Variants in SETD4 observed in about 807,000 individuals in gnomAD.
The protein encoded by SETD4 is SET domain containing 4.
A neutral mutation model predicts 58.3 loss-of-function variants in SETD4; 46 were observed. The ratio of observed to expected loss-of-function variants is 0.79; its 90% CI spans 0.62 to 1.01. SETD4 has a LOEUF of 1.01. Ranked by LOEUF, SETD4 falls within the 50% of genes least tolerant of loss-of-function variation. SETD4 has a pLI of 0.00. For missense variants in SETD4, 490 were observed against 523.3 expected (o/e 0.94, Z 0.62); for synonymous variants, 190 against 202.6 (o/e 0.94, Z 0.53).
In SETD4 at chr21:36,036,018, C is replaced by G. The variant is rs989906831; in HGVS notation, c.*33-58G>C. 1.5e-5 allele frequency: 21 copies of G among 1,446,774 alleles called. No individual in the cohort carries two copies. The Admixed American group carries it at 4.0e-4, about 28-fold the overall frequency. The allele number at this position is 1,446,774 out of a possible 1,614,324, so 89.6% of individuals were successfully genotyped here. On this transcript the variant is annotated intron_variant, in intron 11 of 11. Coordinates refer to ENST00000332131, the MANE Select transcript of SETD4 (RefSeq NM_017438.5). ...TCCTAATTGTTGAGTAGACACAACT[C>G]ATCGACTCTAAACTATATAAATTTA...
intron 1 of SETD4, chr21:36,059,908 G>T (rs1169745912): frequency 1.0e-6 from 1 of 985,268 alleles, no homozygotes; most frequent in Non-Finnish European, 1.2e-6. Context: ...GACCGCGCCG[G>T]GAAGTGTCCC....
At position 36,043,793 on chromosome 21, in the gene SETD4, T is replaced by G; in HGVS notation, c.890A>C (p.Tyr297Ser). Reference sequence around the variant, plus strand: ...AAGTTGATTCCAACCTCTTGAGACATAAACACAAGCATGAGGATTATGGAC... The same window carrying G: ...AAGTTGATTCCAACCTCTTGAGACAGAAACACAAGCATGAGGATTATGGAC... ...VSVHNPHACV[Y>S]VSREILVKYL... Residue 297 changes from tyrosine to serine, a missense_variant, in exon 7 of 12, where the codon TAT (tyrosine) becomes TCT (serine). Transcript: ENST00000332131. 1 of 1,614,128 alleles carries G rather than the reference T, an allele frequency of 6.2e-7. No homozygotes were observed. The highest frequency in any genetic ancestry group is 2.2e-5 in the East Asian group (1 of 44,878).
At chr21:36,058,742 A>T in intron 2 of SETD4, 74 bp downstream of exon 2, 2 of 1,461,208 alleles carry the variant, frequency 1.4e-6, no homozygotes, top group East Asian at 4.8e-5. Flanking sequence ...AAGAAAGAAA[A>T]GCTACGTATG....
At chr21:36,036,510 G>A (rs184390909) in intron 10 of SETD4, 68 of 453,352 alleles carry the variant, frequency 1.5e-4, no homozygotes, top group Non-Finnish European at 1.9e-4. Context: ...CTGTCTCTAC[G>A]AACTCACCTG....
At chr21:36,052,880 T>G (rs1254366052) in intron 4 of SETD4, 1 of 152,226 alleles carries the variant, frequency 6.6e-6, no homozygotes, top group African/African-American at 2.4e-5. Flanking sequence ...GGCCCAAGTC[T>G]GAGGCCTCAT....
intron 3 of SETD4, among the ~76,000 whole-genome samples, chr21:36,056,455 C>T (rs1441699369): frequency 1.3e-5 from 2 of 152,216 alleles, no homozygotes; most frequent in Non-Finnish European, 2.9e-5. Flanking sequence ...GTGGTTATCT[C>T]TTGCCCACCT....
chr21:36,037,595 ACT>A (rs200179590), intron 10 of SETD4, among the ~76,000 whole-genome samples: 2,320 of 139,236 alleles, frequency 0.017, 34 homozygotes, highest in Non-Finnish European at 0.026. Flanking sequence ...ACAGAGCAAG[ACT>A]CTGTCTCAAA....
At position 36,058,768 on chromosome 21, in the gene SETD4, A is replaced by C. The variant is rs754446794; in HGVS notation, c.73+48T>G. 25 of 1,544,338 alleles carry C rather than the reference A, an allele frequency of 1.6e-5. 1 individual carries two copies. In the South Asian group the frequency reaches 3.1e-4, roughly 19 times the overall value. On this transcript the variant is annotated intron_variant, in intron 2 of 11. Transcript: ENST00000332131. ...GCTACGTATGAACAAACAAGCAATCACAAAAGGATTTCTTTTTTCATTACT... is the reference window on the plus strand; with the variant it reads ...GCTACGTATGAACAAACAAGCAATCCCAAAAGGATTTCTTTTTTCATTACT...
intron 4 of SETD4, chr21:36,050,279 T>C: frequency 1.3e-6 from 2 of 1,583,808 alleles, no homozygotes; most frequent in South Asian, 2.2e-5. Context: ...GGGAAGACTA[T>C]CCTCAAACAG....
rs1368954153 is a variant in SETD4 at position 36,042,175 on chromosome 21, T to A, written c.902-287A>T. On this transcript the variant is annotated intron_variant, in intron 7 of 11. Transcript: ENST00000332131. ...CAAAAACAAGCAGGTCATTAGGACA[T>A]CAGCATGACTGTTGAAAATTTACAG... is the stretch of plus-strand genomic sequence containing the variant. 4.5e-5 allele frequency: 9 copies of A among 198,960 alleles called. No individual in the cohort carries two copies. The East Asian group carries it at 1.2e-3, about 25-fold the overall frequency. The allele number at this position is 198,960 out of a possible 1,614,324, so 12.3% of individuals were successfully genotyped here.
chr21:36,056,534 A>G (rs773496212), intron 3 of SETD4, among the ~76,000 whole-genome samples: 2 of 152,134 alleles, frequency 1.3e-5, no homozygotes, highest in Non-Finnish European at 2.9e-5. Context: ...TCTGTGAGAG[A>G]ATGTTCCAGA....
chr21:36,046,156 C>T, intron 5 of SETD4, 145 bp from the exon 6 acceptor site: 1 of 852,054 alleles, frequency 1.2e-6, no homozygotes, highest in South Asian at 1.8e-5. Context: ...TTCCTTCCTT[C>T]CTTCCTTAAG....
intron 5 of SETD4, 70 bp downstream of exon 5, chr21:36,048,238 G>A: frequency 1.7e-6 from 2 of 1,189,828 alleles, no homozygotes; most frequent in Non-Finnish European, 2.5e-6. Context: ...TGTCTCAAGT[G>A]ACATATTTGC....
chr21:36,056,321 T>C (rs2064978955), intron 3 of SETD4, among the ~76,000 whole-genome samples: 1 of 152,196 alleles, frequency 6.6e-6, no homozygotes, highest in Non-Finnish European at 1.5e-5. Context: ...TGGCATATGC[T>C]TTGACTTTTC....
intron 4 of SETD4, chr21:36,050,737 A>G: frequency 6.2e-7 from 1 of 1,612,730 alleles, no homozygotes; most frequent in South Asian, 1.1e-5. Context: ...GCTCGAGATA[A>G]GCACCATTTG....
At chr21:36,054,240 C>T (rs2064866470) in intron 3 of SETD4, among the ~76,000 whole-genome samples, 1 of 152,224 alleles carries the variant, frequency 6.6e-6, no homozygotes, top group African/African-American at 2.4e-5. Context: ...GTAACCTCAG[C>T]AGCTGCATTA....
At chr21:36,043,736 A>G (rs1313479554) in intron 7 of SETD4, 46 bp downstream of exon 7, 9 of 1,599,050 alleles carry the variant, frequency 5.6e-6, no homozygotes, top group Non-Finnish European at 7.7e-6. Context: ...CCAAATGGGG[A>G]AAAAAATTAT....
intron 3 of SETD4, 86 bp downstream of exon 3, chr21:36,057,023 G>T: frequency 1.9e-6 from 2 of 1,042,838 alleles, no homozygotes; most frequent in South Asian, 1.3e-5. Context: ...GACAATATCT[G>T]CTGAGGCCCA....
Position 36,045,722 on chromosome 21 carries a change from C to T in SETD4, c.586G>A (p.Ala196Thr), listed in dbSNP as rs2064292454. 6.2e-7 allele frequency: 1 copy of T among 1,614,114 alleles called. No homozygotes were observed. Among genetic ancestry groups the T allele is most frequent in the African/African-American group, 1.3e-5 (1 of 74,926 alleles). ...EAVDSIFSYS[A>T]LLWAWCTVNT... is the part of the protein sequence containing the mutation. The stretch of plus-strand genomic sequence containing the variant: ...ACGGTGCACCAAGCCCACAGCAGGG[C>T]ACTGTAGCTGAAGATGCTGTCAACA... Residue 196 changes from alanine to threonine, a missense_variant, in exon 6 of 12, where the codon GCC (alanine) becomes ACC (threonine). Physicochemically the swap from Ala to Thr is moderately conservative, Grantham distance 58 (BLOSUM62 0). Transcript: ENST00000332131.
Sources: allele counts gnomAD v4.1 joint callset (sites outside exome capture counted in the v4.1 genomes callset), GRCh38; gene constraint gnomAD v4.1.1; transcripts MANE v1.5; gene names NCBI Gene and HGNC (gene_info 2026-07-23, HGNC 2026-07-21).